Variants in ULK4 observed in about 807,000 individuals in gnomAD.
The protein encoded by ULK4 is inactive serine/threonine-protein kinase ULK4.
ULK4 carries 133 observed loss-of-function variants against 160.6 expected under a neutral mutation model. That is an observed-to-expected ratio of 0.83 (90% CI 0.72 to 0.96). ULK4 has a LOEUF of 0.96. Among genes scored for constraint, ULK4 ranks in the 40% least tolerant of loss-of-function variants. ULK4 has a pLI of 0.00. For synonymous variants in ULK4, 534 were observed against 539.8 expected (o/e 0.99, Z 0.15); for missense variants, 1,580 against 1,499.5 (o/e 1.05, Z -0.89).
At chr3:41,878,381 A>G (rs1417182425) in intron 17 of ULK4, among the ~76,000 whole-genome samples, 1 of 152,230 alleles carries the variant, frequency 6.6e-6, no homozygotes, top group Admixed American at 6.5e-5. Context: ...ATATACATAT[A>G]TACACCTGTA....
intron 27 of ULK4, among the ~76,000 whole-genome samples, chr3:41,689,785 G>GA (rs1275145961): frequency 1.3e-5 from 2 of 151,952 alleles, no homozygotes; most frequent in Non-Finnish European, 2.9e-5. Flanking sequence ...AAAAAGTCAG[G>GA]AAACAACAGG....
chr3:41,904,872 TC>T (rs1288654418), intron 12 of ULK4, among the ~76,000 whole-genome samples: 1 of 152,198 alleles, frequency 6.6e-6, no homozygotes, highest in African/African-American at 2.4e-5. Flanking sequence ...TATAAATACA[TC>T]CTGTGTTCGT....
intron 21 of ULK4, among the ~76,000 whole-genome samples, chr3:41,780,111 A>C (rs2039778937): frequency 6.6e-6 from 1 of 151,892 alleles, no homozygotes; most frequent in South Asian, 2.1e-4. Context: ...CAAGAGCTCG[A>C]TAGCAGCCTG....
chr3:41,486,640 T>C (rs1199539772), intron 32 of ULK4, among the ~76,000 whole-genome samples: 1 of 152,148 alleles, frequency 6.6e-6, no homozygotes, highest in Non-Finnish European at 1.5e-5. Flanking sequence ...TTTTTTTTAT[T>C]TCTATAGTTG....
chr3:41,398,519 G>C (rs1231241029), intron 34 of ULK4, among the ~76,000 whole-genome samples: 3 of 150,614 alleles, frequency 2.0e-5, no homozygotes, highest in African/African-American at 7.3e-5. Context: ...GAGTAGCTGG[G>C]AATAAAGACA....
chr3:41,948,209 G>A (rs185607979), intron 2 of ULK4, among the ~76,000 whole-genome samples: 138 of 152,216 alleles, frequency 9.1e-4, no homozygotes, highest in African/African-American at 3.1e-3. Flanking sequence ...CCGGCATTTC[G>A]GGAGGTCGAG....
At chr3:41,559,984 G>A (rs1482395734) in intron 32 of ULK4, among the ~76,000 whole-genome samples, 1 of 152,010 alleles carries the variant, frequency 6.6e-6, no homozygotes, top group Admixed American at 6.6e-5. Context: ...TTTCTTCTAG[G>A]GTTTTTATGG....
chr3:41,683,669 A>G (rs183436123), intron 27 of ULK4, among the ~76,000 whole-genome samples: 51 of 150,612 alleles, frequency 3.4e-4, no homozygotes, highest in African/African-American at 1.2e-3. Context: ...AACTTAATTG[A>G]CTCAGTCTGA....
chr3:41,465,961 C>T (rs7618902), intron 32 of ULK4, among the ~76,000 whole-genome samples: 3 of 151,882 alleles, frequency 2.0e-5, no homozygotes, highest in Non-Finnish European at 4.4e-5. Flanking sequence ...GAAGGGTAGA[C>T]GAAGATAGAA....
At chr3:41,511,770 T>G (rs1575334217) in intron 32 of ULK4, among the ~76,000 whole-genome samples, 1 of 151,934 alleles carries the variant, frequency 6.6e-6, no homozygotes, top group African/African-American at 2.4e-5. Flanking sequence ...AGAGGAAATC[T>G]CCCCTAAATC....
At chr3:41,771,239 C>T (rs1453593328) in intron 21 of ULK4, among the ~76,000 whole-genome samples, 1 of 152,026 alleles carries the variant, frequency 6.6e-6, no homozygotes, top group Non-Finnish European at 1.5e-5. Flanking sequence ...TGGTAATGTT[C>T]AAAAGTTAAT....
chr3:41,755,926 G>A (rs1022262442), intron 21 of ULK4, among the ~76,000 whole-genome samples: 3 of 152,148 alleles, frequency 2.0e-5, no homozygotes, highest in Non-Finnish European at 2.9e-5. Flanking sequence ...CAAGCATCAT[G>A]TCCACAAACT....
rs143110869 is a variant in ULK4 at position 41,927,130 on chromosome 3, A to G, written c.541+4714T>C. 7.8e-3 allele frequency among the ~76,000 whole-genome samples: 1,191 copies of G among 152,358 alleles called. 47 individuals carry two copies. In the East Asian group the frequency reaches 0.13, roughly 16 times the overall value. ...TTGGGTTACCCGCAAAGGGAAGCCCATCAGACTAACAGTGGATCTCTGCAA... is the reference window on the plus strand; with the variant it reads ...TTGGGTTACCCGCAAAGGGAAGCCCGTCAGACTAACAGTGGATCTCTGCAA... On this transcript the variant is annotated intron_variant, in intron 5 of 36. Coordinates refer to ENST00000301831, the MANE Select transcript of ULK4 (RefSeq NM_017886.4).
At chr3:41,947,554 A>G (rs1700151013) in intron 2 of ULK4, among the ~76,000 whole-genome samples, 3 of 152,212 alleles carry the variant, frequency 2.0e-5, no homozygotes. Context: ...GATCTGAACC[A>G]ACTATAGATC....
intron 22 of ULK4, among the ~76,000 whole-genome samples, chr3:41,752,308 C>G (rs140521838): frequency 3.0e-3 from 464 of 152,180 alleles, no homozygotes; most frequent in African/African-American, 0.011. Flanking sequence ...AAAGACAAAT[C>G]AGAGGTAGCA....
intron 21 of ULK4, among the ~76,000 whole-genome samples, chr3:41,781,770 C>G (rs1186348144): frequency 6.6e-6 from 1 of 152,130 alleles, no homozygotes; most frequent in Non-Finnish European, 1.5e-5. Context: ...GAAACCCCAG[C>G]TCTACTAAAA....
Position 41,938,214 on chromosome 3 carries a change from C to A in ULK4, c.139-17G>T. ...GAGACGGACCTATAAAAACACAGAG[C>A]AATCACTCTAAAAAGAAATTCCTAA... On this transcript the variant is annotated splice_polypyrimidine_tract_variant and intron_variant, in intron 2 of 36. Transcript: ENST00000301831. The A allele has an allele frequency of 6.3e-7, 1 of 1,594,030 alleles. No homozygotes were observed. Among genetic ancestry groups the A allele is most frequent in the Non-Finnish European group, 8.6e-7 (1 of 1,168,332 alleles).
intron 34 of ULK4, among the ~76,000 whole-genome samples, chr3:41,403,497 G>A (rs1374434318): frequency 1.3e-5 from 2 of 152,080 alleles, no homozygotes; most frequent in Non-Finnish European, 2.9e-5. Context: ...TTGTCAGTTG[G>A]ATAGAGGTTT....
chr3:41,866,494 G>A (rs978101815), intron 17 of ULK4, among the ~76,000 whole-genome samples: 5 of 152,228 alleles, frequency 3.3e-5, no homozygotes, highest in Admixed American at 1.3e-4. Flanking sequence ...CCTCGCATGC[G>A]CAGTTCACAA....
Sources: allele counts gnomAD v4.1 joint callset (sites outside exome capture counted in the v4.1 genomes callset), GRCh38; gene constraint gnomAD v4.1.1; transcripts MANE v1.5; gene names NCBI Gene and HGNC (gene_info 2026-07-23, HGNC 2026-07-21).